The following ABCA10 variants were observed in gnomAD, a reference collection of about 807,000 sequenced individuals.
ABCA10 encodes ATP-binding cassette sub-family A member 10.
A neutral mutation model predicts 187.5 loss-of-function variants in ABCA10; 169 were observed. That is an observed-to-expected ratio of 0.90 (90% CI 0.80 to 1.02). The LOEUF is 1.02. Ranked by LOEUF, ABCA10 falls within the 50% of genes least tolerant of loss-of-function variation. The pLI is 0.00. For synonymous variants in ABCA10, 574 were observed against 601.8 expected, an observed-to-expected ratio of 0.95 and a Z score of 0.68; for missense variants, 1,727 against 1,812.4, an observed-to-expected ratio of 0.95 and a Z score of 0.86.
chr17:69,159,018 AC>A (rs1830191180), intron 27 of ABCA10, among the ~76,000 whole-genome samples: 2 of 152,036 alleles, frequency 1.3e-5, no homozygotes, highest in African/African-American at 4.8e-5. Context: ...ATATCTAAAA[AC>A]AAATCATAAA....
rs1030589870 is a variant in ABCA10, at chr17:69,148,095, C to T, written c.*732G>A. On this transcript the variant is annotated 3_prime_UTR_variant, in exon 39 of 39. Coordinates refer to ENST00000690296, the MANE Select transcript of ABCA10 (RefSeq NM_001377321.1). ...TGGTATTACATCAATACAGCTATAA[C>T]ATTAATGCAGCAATTATATAACACA... 1 of 152,096 alleles carries T rather than the reference C, an allele frequency of 6.6e-6. No individual in the cohort carries two copies. The highest frequency in any genetic ancestry group is 2.4e-5 in the African/African-American group (1 of 41,408). The allele number at this position is 152,096 out of a possible 1,614,324, so 9.4% of individuals were successfully genotyped here. A position where few individuals can be genotyped will look rare whatever the true frequency, so the allele number is the denominator to read the frequency against.
intron 1 of ABCA10, among the ~76,000 whole-genome samples, chr17:69,239,353 C>T (rs565820972): frequency 6.6e-6 from 1 of 152,258 alleles, no homozygotes; most frequent in East Asian, 1.9e-4. Flanking sequence ...GAGAAAGAAA[C>T]ATGTGAGCTG....
chr17:69,211,344 TATATATATATATATATACAC>T (rs2074655344), intron 9 of ABCA10, among the ~76,000 whole-genome samples: 1 of 40,302 alleles, frequency 2.5e-5, no homozygotes, highest in African/African-American at 1.1e-4. Flanking sequence ...TATATATATA[TATATATATATATATATACAC>T]ACACACCACA....
At chr17:69,210,165 TA>T (rs1350418136) in intron 9 of ABCA10, among the ~76,000 whole-genome samples, 3 of 141,238 alleles carry the variant, frequency 2.1e-5, no homozygotes, top group Non-Finnish European at 3.0e-5. Context: ...ATTTAGTGGT[TA>T]TTTCTTTTTT....
chr17:69,183,643 A>C (rs2074397986), intron 20 of ABCA10, among the ~76,000 whole-genome samples: 1 of 152,216 alleles, frequency 6.6e-6, no homozygotes, highest in Admixed American at 6.5e-5. Flanking sequence ...TGGAGCTAAG[A>C]CGAATTTAGA....
At chr17:69,193,274 C>A in intron 14 of ABCA10, 26 bp from the exon 15 acceptor site, 1 of 1,604,844 alleles carries the variant, frequency 6.2e-7, no homozygotes, top group Non-Finnish European at 8.5e-7. Context: ...CGTATGAAAG[C>A]ATCTTCCTCT....
At chr17:69,231,851 C>T (rs187716605), upstream of ABCA10, among the ~76,000 whole-genome samples, 6 of 152,136 alleles carry the variant, frequency 3.9e-5, no homozygotes, top group East Asian at 1.2e-3. Context: ...TCTGTCTATT[C>T]CAGTTCCTTA....
rs1013830822 is a variant in ABCA10, at chr17:69,172,790, A to C, written c.3162+1491T>G. ...TATCAAAAATCACAATAAACTCATT[A>C]AATTAAAAGCAGGTTAAGTCTGAAT... On this transcript the variant is annotated intron_variant, in intron 25 of 38. Transcript: ENST00000690296. 1.1e-4 allele frequency among the ~76,000 whole-genome samples: 8 copies of C among 74,918 alleles called. No individual in the cohort carries two copies. The South Asian group carries it at 1.9e-3, about 18-fold the overall frequency. The allele number at this position is 74,918 out of a possible 152,430, so 49.1% of individuals were successfully genotyped here. A position where few individuals can be genotyped will look rare whatever the true frequency, so the allele number is the denominator to read the frequency against.
At chr17:69,160,038 C>T (rs1281241473) in intron 27 of ABCA10, among the ~76,000 whole-genome samples, 2 of 151,992 alleles carry the variant, frequency 1.3e-5, no homozygotes, top group African/African-American at 4.8e-5. Context: ...CTATAAAACT[C>T]ATAGAAAAAA....
intron 9 of ABCA10, among the ~76,000 whole-genome samples, chr17:69,212,752 CT>C (rs550232249): frequency 6.1e-4 from 93 of 152,206 alleles, no homozygotes; most frequent in African/African-American, 2.1e-3. Flanking sequence ...GCTTTAAAGT[CT>C]TTTTGTCTGA....
chr17:69,238,176 A>T (rs968623220), intron 1 of ABCA10, among the ~76,000 whole-genome samples: 6 of 135,124 alleles, frequency 4.4e-5, no homozygotes, highest in African/African-American at 5.6e-5. Context: ...AAAAAAAAAA[A>T]TTTCCAGCAA....
chr17:69,207,366 G>A (rs971342045), intron 9 of ABCA10, among the ~76,000 whole-genome samples: 1 of 152,186 alleles, frequency 6.6e-6, no homozygotes. Context: ...ACTACCACAT[G>A]ATTGAGCAAT....
intron 9 of ABCA10, among the ~76,000 whole-genome samples, chr17:69,206,909 G>A (rs2074596149): frequency 6.6e-6 from 1 of 152,124 alleles, no homozygotes; most frequent in Admixed American, 6.5e-5. Context: ...CAAAACAAAA[G>A]TAGACACATG....
chr17:69,166,527 T>C (rs1249407116), intron 25 of ABCA10, among the ~76,000 whole-genome samples: 3 of 152,154 alleles, frequency 2.0e-5, no homozygotes, highest in Admixed American at 6.6e-5. Context: ...TTGAAATACT[T>C]TGAAATCTCA....
At chr17:69,238,046 C>T (rs2074882440) in intron 1 of ABCA10, among the ~76,000 whole-genome samples, 1 of 151,912 alleles carries the variant, frequency 6.6e-6, no homozygotes, top group Non-Finnish European at 1.5e-5. Flanking sequence ...CCTGTAATCC[C>T]AGCTACTCGG....
intron 20 of ABCA10, among the ~76,000 whole-genome samples, chr17:69,184,659 A>G (rs2074406089): frequency 6.6e-6 from 1 of 152,034 alleles, no homozygotes; most frequent in Non-Finnish European, 1.5e-5. Flanking sequence ...TCCTTAAAGA[A>G]CTAAAAGTAA....
chr17:69,167,789 C>A (rs561411893), intron 25 of ABCA10, among the ~76,000 whole-genome samples: 13 of 152,154 alleles, frequency 8.5e-5, no homozygotes, highest in Non-Finnish European at 1.6e-4. Flanking sequence ...GATACAGGCA[C>A]TGAAACAAAA....
At chr17:69,208,206 A>T (rs908068257) in intron 9 of ABCA10, among the ~76,000 whole-genome samples, 1 of 151,934 alleles carries the variant, frequency 6.6e-6, no homozygotes, top group African/African-American at 2.4e-5. Context: ...TCAAGAGGTC[A>T]GGACTTCAAG....
intron 26 of ABCA10, 116 bp downstream of exon 26, chr17:69,164,848 T>C: frequency 7.9e-7 from 1 of 1,267,936 alleles, no homozygotes; most frequent in Admixed American, 2.3e-5. Flanking sequence ...TTTTAGAATT[T>C]ATCAGCATTG....
Sources: allele counts gnomAD v4.1 joint callset (sites outside exome capture counted in the v4.1 genomes callset), GRCh38; gene constraint gnomAD v4.1.1; transcripts MANE v1.5; gene names NCBI Gene and HGNC (gene_info 2026-07-23, HGNC 2026-07-21).